POLA1: variants seen among roughly 807,000 people sequenced by gnomAD.
POLA1 encodes the protein DNA polymerase alpha catalytic subunit.
POLA1 carries 15 observed loss-of-function variants against 124.0 expected under a neutral mutation model. The observed-to-expected ratio is 0.12, with a 90% CI of 0.08 to 0.19. The LOEUF (loss-of-function observed/expected upper bound fraction) is 0.19, where lower values mean the gene tolerates loss of function less well. POLA1 is among the 10% of genes least tolerant of loss of function. The pLI, the probability that POLA1 is intolerant of heterozygous loss-of-function variation, is 1.00. For synonymous variants in POLA1, 408 were observed against 389.4 expected (o/e 1.05, Z -0.56); for missense variants, 886 against 1,103.4 (o/e 0.80, Z 2.79).
At chrX:24,742,713 C>G (rs1208123960) in intron 22 of POLA1, among the ~76,000 whole-genome samples, 3 of 111,804 alleles carry the variant, frequency 2.7e-5, no homozygotes, top group African/African-American at 9.8e-5. Context: ...ATTTAGAGGA[C>G]TTTAACTTCT....
intron 36 of POLA1, among the ~76,000 whole-genome samples, chrX:24,969,389 C>T (rs1350172689): frequency 1.8e-5 from 2 of 110,254 alleles, no homozygotes; most frequent in African/African-American, 6.6e-5. Flanking sequence ...TCCCCATGCA[C>T]CCCAGGAAAG....
chrX:24,731,770 G>A (rs1930920622), intron 15 of POLA1, among the ~76,000 whole-genome samples: 1 of 111,173 alleles, frequency 9.0e-6, no homozygotes, highest in Non-Finnish European at 1.9e-5. Context: ...TTTAGAGATT[G>A]ATGCTGAAAT....
chrX:24,870,182 T>C (rs753004470), intron 34 of POLA1, among the ~76,000 whole-genome samples: 29 of 111,857 alleles, frequency 2.6e-4, no homozygotes, highest in South Asian at 7.6e-4. Context: ...CATAGTGTTA[T>C]GATCTTCAAT....
intron 35 of POLA1, among the ~76,000 whole-genome samples, chrX:24,925,842 A>G (rs2047682593): frequency 9.0e-6 from 1 of 110,734 alleles, no homozygotes; most frequent in African/African-American, 3.3e-5. Flanking sequence ...TACAACGTCC[A>G]CCTCCTGGGT....
intron 36 of POLA1, among the ~76,000 whole-genome samples, chrX:24,931,905 C>CTT (rs1170731549): frequency 9.4e-6 from 1 of 106,450 alleles, no homozygotes; most frequent in East Asian, 2.9e-4. Context: ...TCTATTACTT[C>CTT]TTTTTTTTTT....
At chrX:24,983,112 T>C (rs1358476510) in intron 36 of POLA1, among the ~76,000 whole-genome samples, 1 of 112,054 alleles carries the variant, frequency 8.9e-6, no homozygotes, top group African/African-American at 3.2e-5. Context: ...ATTTTTCTCG[T>C]TTATGTTAAT....
chrX:24,754,703 C>G (rs1283247725), intron 26 of POLA1, among the ~76,000 whole-genome samples: 1 of 111,479 alleles, frequency 9.0e-6, no homozygotes, highest in Non-Finnish European at 1.9e-5. Context: ...TCATTCTTGC[C>G]CATGGGTTGT....
chrX:24,861,813 G>T (rs777596208), intron 34 of POLA1, among the ~76,000 whole-genome samples: 1 of 112,223 alleles, frequency 8.9e-6, no homozygotes, highest in Non-Finnish European at 1.9e-5. Context: ...AAATGTTAAC[G>T]TTTATGAAAA....
chrX:24,960,299 A>G lies in POLA1; in HGVS notation c.4261+29750A>G, dbSNP rs759342712. ...ACATTCATGCTAAATAAAAAGTTTTATACAGACCCTTAAGGGACAGCTACA... is the reference window on the plus strand; with the variant it reads ...ACATTCATGCTAAATAAAAAGTTTTGTACAGACCCTTAAGGGACAGCTACA... On this transcript the variant is annotated intron_variant, in intron 36 of 36. Coordinates refer to ENST00000379068, the MANE Select transcript of POLA1 (RefSeq NM_001330360.2). Among the ~76,000 whole-genome samples, 4 of 112,250 alleles carry G rather than the reference A, an allele frequency of 3.6e-5. No individual in the cohort carries two copies. In the East Asian group the frequency reaches 1.1e-3, roughly 31 times the overall value.
chrX:24,754,505 C>T (rs1932497966), intron 26 of POLA1, among the ~76,000 whole-genome samples: 1 of 111,402 alleles, frequency 9.0e-6, no homozygotes, highest in African/African-American at 3.3e-5. Flanking sequence ...CCGCCCACTT[C>T]GGCCTCCCAA....
chrX:24,708,093 C>T (rs1423614368), intron 4 of POLA1, among the ~76,000 whole-genome samples: 2 of 111,790 alleles, frequency 1.8e-5, no homozygotes, highest in South Asian at 3.8e-4. Context: ...AGAATTCCAC[C>T]TCAAATATTT....
At chrX:24,772,379 T>G (rs2045055807) in intron 26 of POLA1, among the ~76,000 whole-genome samples, 1 of 111,592 alleles carries the variant, frequency 9.0e-6, no homozygotes, top group Non-Finnish European at 1.9e-5. Context: ...AATCTTTTAT[T>G]GTTACTTTTT....
intron 4 of POLA1, among the ~76,000 whole-genome samples, chrX:24,707,755 A>T (rs1260472449): frequency 8.9e-6 from 1 of 112,455 alleles, no homozygotes; most frequent in East Asian, 2.8e-4. Context: ...GCACTTTGGG[A>T]GGCCGAGGTG....
intron 35 of POLA1, among the ~76,000 whole-genome samples, chrX:24,897,286 G>A (rs1420016029): frequency 9.0e-6 from 1 of 110,873 alleles, no homozygotes; most frequent in African/African-American, 3.3e-5. Context: ...GAGGAAAACA[G>A]GCATAGGGCA....
chrX:24,833,781 T>G (rs2046301488), intron 32 of POLA1, among the ~76,000 whole-genome samples: 1 of 112,271 alleles, frequency 8.9e-6, no homozygotes, highest in Non-Finnish European at 1.9e-5. Context: ...CCATCTTTTC[T>G]CAGGTTTAAA....
chrX:24,719,207 G>A (rs373696800), intron 10 of POLA1, among the ~76,000 whole-genome samples: 40 of 110,430 alleles, frequency 3.6e-4, no homozygotes, highest in East Asian at 1.4e-3. Context: ...CAAAGCAAGC[G>A]TGTGAGTAAA....
intron 32 of POLA1, among the ~76,000 whole-genome samples, chrX:24,829,191 G>A (rs939956802): frequency 1.8e-5 from 2 of 111,258 alleles, no homozygotes; most frequent in African/African-American, 6.5e-5. Context: ...GTGCAGCCAT[G>A]GCTGTGTGGA....
At chrX:24,859,572 T>C (rs2046690420) in intron 34 of POLA1, among the ~76,000 whole-genome samples, 2 of 112,537 alleles carry the variant, frequency 1.8e-5, no homozygotes, top group Admixed American at 1.9e-4. Context: ...CATGCTCTCA[T>C]AACCTTTTGT....
chrX:24,703,705 A>G (rs1446685994), intron 3 of POLA1, among the ~76,000 whole-genome samples: 1 of 112,177 alleles, frequency 8.9e-6, no homozygotes, highest in East Asian at 2.8e-4. Flanking sequence ...CTACTTTCCA[A>G]TTCTATGACC....
Sources: gnomAD v4.1 joint callset for allele counts (sites outside exome capture counted in the v4.1 genomes callset) on GRCh38, gnomAD v4.1.1 for gene constraint, MANE v1.5 for transcripts, NCBI Gene and HGNC (gene_info 2026-07-23, HGNC 2026-07-21) for gene names.